CHN1: variants seen among roughly 807,000 people sequenced by gnomAD.
CHN1 encodes N-chimaerin.
A neutral mutation model predicts 59.5 loss-of-function variants in CHN1; 37 were observed. The observed-to-expected ratio is 0.62, with a 90% CI of 0.48 to 0.82. The LOEUF (loss-of-function observed/expected upper bound fraction) is 0.82. Ranked by LOEUF, CHN1 falls within the 40% of genes least tolerant of loss-of-function variation. The probability of loss-of-function intolerance (pLI) is 0.00; values close to 1 mark genes in which losing one functional copy is unlikely to be tolerated. For missense variants in CHN1, 469 were observed against 571.0 expected, an observed-to-expected ratio of 0.82 and a Z score of 1.82; for synonymous variants, 206 against 200.4, an observed-to-expected ratio of 1.03 and a Z score of -0.24.
At chr2:174,874,529 TCC>T (rs1687501814) in intron 6 of CHN1, among the ~76,000 whole-genome samples, 1 of 152,184 alleles carries the variant, frequency 6.6e-6, no homozygotes, top group Non-Finnish European at 1.5e-5. Flanking sequence ...CAGGATTCAC[TCC>T]TCATGGTAAA....
intron 1 of CHN1, among the ~76,000 whole-genome samples, chr2:174,975,655 CAAA>C (rs35826463): frequency 6.4e-5 from 8 of 125,138 alleles, no homozygotes; most frequent in African/African-American, 2.5e-4. Context: ...ACAAAACAAA[CAAA>C]AAAAAAAAAA....
chr2:174,995,276 A>G (rs1007159427), intron 1 of CHN1, among the ~76,000 whole-genome samples: 1 of 152,220 alleles, frequency 6.6e-6, no homozygotes, highest in African/African-American at 2.4e-5. Context: ...GTCAACTGCA[A>G]TCTGAAAAAA....
Position 174,981,174 on chromosome 2 carries a change from G to A in CHN1, c.19+23720C>T, listed in dbSNP as rs558855798. On this transcript the variant is annotated intron_variant, in intron 1 of 12. Transcript: ENST00000409900. ...ATCTTTCACTTCGAGTTGGATAAAC[G>A]AATCCTAAAAATTGGGTCTTTGTAT... Among the ~76,000 whole-genome samples the A allele has an allele frequency of 1.8e-4, 27 of 152,136 alleles. No individual in the cohort carries two copies. The East Asian group carries it at 3.7e-3, about 21-fold the overall frequency.
intron 4 of CHN1, among the ~76,000 whole-genome samples, chr2:174,915,996 T>C (rs1381217673): frequency 6.6e-6 from 1 of 152,170 alleles, no homozygotes; most frequent in Non-Finnish European, 1.5e-5. Context: ...CTGTATCGAG[T>C]ATTTTGAGCT....
At chr2:174,836,315 A>C (rs971808288) in intron 7 of CHN1, among the ~76,000 whole-genome samples, 4 of 152,230 alleles carry the variant, frequency 2.6e-5, no homozygotes, top group African/African-American at 7.2e-5. Context: ...CTAGTTGTTT[A>C]AGATGGGAAG....
intron 1 of CHN1, among the ~76,000 whole-genome samples, chr2:174,962,882 C>T (rs1559000279): frequency 6.6e-6 from 1 of 152,086 alleles, no homozygotes; most frequent in Non-Finnish European, 1.5e-5. Context: ...TGCACTCCAG[C>T]CTGGGCAACA....
At chr2:174,922,289 C>A in intron 3 of CHN1, among the ~76,000 whole-genome samples, 1 of 152,294 alleles carries the variant, frequency 6.6e-6, no homozygotes, top group Non-Finnish European at 1.5e-5. Flanking sequence ...TCCTTTCCAA[C>A]TAAAAATGTG....
intron 5 of CHN1, among the ~76,000 whole-genome samples, chr2:174,889,504 T>G (rs115537535): frequency 0.01 from 1,530 of 151,932 alleles, 8 homozygotes; most frequent in Non-Finnish European, 0.016. Context: ...AAAAAATGCA[T>G]GACAAAATAA....
At chr2:174,852,006 G>C (rs1245828269) in intron 6 of CHN1, among the ~76,000 whole-genome samples, 17 of 151,930 alleles carry the variant, frequency 1.1e-4, no homozygotes, top group Admixed American at 1.1e-3. Flanking sequence ...TCTGGGCACA[G>C]TGGCTCACAC....
At chr2:174,842,281 G>C (rs534739409) in intron 7 of CHN1, among the ~76,000 whole-genome samples, 3 of 152,156 alleles carry the variant, frequency 2.0e-5, no homozygotes, top group African/African-American at 7.2e-5. Flanking sequence ...ATATGAAAGA[G>C]GTGATAGACA....
chr2:174,806,851 GAC>G (rs1684901110), intron 11 of CHN1, among the ~76,000 whole-genome samples: 1 of 152,074 alleles, frequency 6.6e-6, no homozygotes, highest in Non-Finnish European at 1.5e-5. Flanking sequence ...AGTGTACAAG[GAC>G]ACAATATTCC....
intron 1 of CHN1, among the ~76,000 whole-genome samples, chr2:174,984,366 CTTTT>C (rs397986749): frequency 2.6e-5 from 3 of 117,210 alleles, no homozygotes; most frequent in African/African-American, 9.9e-5. Context: ...GTTTTATAAG[CTTTT>C]TTTTTTTTTT....
intron 1 of CHN1, among the ~76,000 whole-genome samples, chr2:175,001,011 T>G (rs1352560103): frequency 6.6e-6 from 1 of 152,234 alleles, no homozygotes; most frequent in Non-Finnish European, 1.5e-5. Context: ...CTTGAACTTC[T>G]GAACTCAAGC....
At chr2:174,820,373 A>C (rs1158363786) in intron 8 of CHN1, among the ~76,000 whole-genome samples, 1 of 152,194 alleles carries the variant, frequency 6.6e-6, no homozygotes, top group East Asian at 1.9e-4. Flanking sequence ...AACTGGTATG[A>C]GATGGTATCT....
chr2:174,863,619 C>A (rs564755210), intron 6 of CHN1, among the ~76,000 whole-genome samples: 1 of 152,100 alleles, frequency 6.6e-6, no homozygotes, highest in South Asian at 2.1e-4. Context: ...ATATAACCCA[C>A]ATAAACAAAA....
At chr2:174,911,626 T>C (rs1202587671) in intron 5 of CHN1, among the ~76,000 whole-genome samples, 6 of 152,162 alleles carry the variant, frequency 3.9e-5, no homozygotes, top group African/African-American at 7.2e-5. Context: ...ATCTCACCCA[T>C]AGAAAACCTG....
chr2:174,913,578 TTAAG>T (rs940894779), intron 5 of CHN1, among the ~76,000 whole-genome samples: 1 of 152,108 alleles, frequency 6.6e-6, no homozygotes, highest in African/African-American at 2.4e-5. Context: ...AACAGTATAA[TTAAG>T]TAATTGAAGT....
At chr2:174,932,456 C>T (rs1193622) in intron 3 of CHN1, among the ~76,000 whole-genome samples, 1 of 151,928 alleles carries the variant, frequency 6.6e-6, no homozygotes, top group Non-Finnish European at 1.5e-5. Flanking sequence ...CAAGAGGCTG[C>T]GAAAATTTAG....
chr2:174,897,024 A>C lies in CHN1; in HGVS notation c.260+18034T>G, dbSNP rs185253424. 3.3e-5 allele frequency among the ~76,000 whole-genome samples: 5 copies of C among 152,304 alleles called. No individual in the cohort carries two copies. The East Asian group carries it at 5.8e-4, about 18-fold the overall frequency. ...AGAGAGGAGGGAAGCAAAGGAAGAA[A>C]GGGATTTCCCCTCCCACCTTCTATT... is the stretch of plus-strand genomic sequence containing the variant. On this transcript the variant is annotated intron_variant, in intron 5 of 12. Transcript: ENST00000409900.
Sources: gnomAD v4.1 joint callset for allele counts (sites outside exome capture counted in the v4.1 genomes callset) on GRCh38, gnomAD v4.1.1 for gene constraint, MANE v1.5 for transcripts, NCBI Gene and HGNC (gene_info 2026-07-23, HGNC 2026-07-21) for gene names.